The following DENND4C variants were observed in gnomAD, a reference collection of about 807,000 sequenced individuals.
The protein encoded by DENND4C is DENN domain-containing protein 4C.
A neutral mutation model predicts 203.0 loss-of-function variants in DENND4C; 108 were observed. The ratio of observed to expected loss-of-function variants is 0.53; its 90% CI spans 0.46 to 0.62. The LOEUF (loss-of-function observed/expected upper bound fraction) is 0.62, where lower values mean the gene tolerates loss of function less well. DENND4C is among the 20% of genes least tolerant of loss of function. The pLI is 0.00. For synonymous variants in DENND4C, 871 were observed against 792.4 expected (o/e 1.10, Z -1.67); for missense variants, 2,481 against 2,301.2 (o/e 1.08, Z -1.60).
intron 1 of DENND4C, among the ~76,000 whole-genome samples, chr9:19,258,711 G>A (rs1366462335): frequency 6.6e-6 from 1 of 151,896 alleles, no homozygotes; most frequent in Non-Finnish European, 1.5e-5. Context: ...TTGGAGTGCA[G>A]TGGCGTGATC....
chr9:19,311,161 C>G (rs1840658234), intron 10 of DENND4C, among the ~76,000 whole-genome samples: 1 of 151,978 alleles, frequency 6.6e-6, no homozygotes, highest in Non-Finnish European at 1.5e-5. Context: ...GCTCTGTCTC[C>G]CACGCTGGAT....
intron 12 of DENND4C, among the ~76,000 whole-genome samples, chr9:19,318,117 G>A (rs959599322): frequency 3.9e-5 from 6 of 152,144 alleles, no homozygotes; most frequent in Non-Finnish European, 7.3e-5. Flanking sequence ...TTACGAGTTC[G>A]AGACCAGCCT....
intron 1 of DENND4C, among the ~76,000 whole-genome samples, chr9:19,241,544 T>C (rs71508782): frequency 0.23 from 34,938 of 150,520 alleles, 4,275 homozygotes; most frequent in African/African-American, 0.3. Context: ...AACTTTTTTG[T>C]CGGAAATGAA....
intron 17 of DENND4C, among the ~76,000 whole-genome samples, chr9:19,334,651 A>T (rs1983228): frequency 6.6e-6 from 1 of 150,594 alleles, no homozygotes; most frequent in South Asian, 2.1e-4. Flanking sequence ...TCAGCTTCCC[A>T]AGTAGCTGGG....
chr9:19,347,154 T>C, intron 23 of DENND4C, 68 bp downstream of exon 23: 1 of 1,420,814 alleles, frequency 7.0e-7, no homozygotes, highest in Non-Finnish European at 9.6e-7. Flanking sequence ...TAGAAATATA[T>C]GTATTCTTGT....
chr9:19,348,788 AAAAG>A (rs1314323114), intron 23 of DENND4C, among the ~76,000 whole-genome samples: 2 of 152,102 alleles, frequency 1.3e-5, no homozygotes, highest in African/African-American at 2.4e-5. Flanking sequence ...ATTATGATAA[AAAAG>A]AAAAAAAAAA....
intron 20 of DENND4C, chr9:19,337,513 T>A (rs1462491140): frequency 2.7e-6 from 2 of 730,118 alleles, no homozygotes. Context: ...TGAAGTTTCC[T>A]TTTCTCTGCT....
chr9:19,252,065 A>C (rs563934064), intron 1 of DENND4C, among the ~76,000 whole-genome samples: 1 of 152,298 alleles, frequency 6.6e-6, no homozygotes, highest in East Asian at 1.9e-4. Flanking sequence ...TCACGCTGCT[A>C]ATAAAGGCAT....
chr9:19,336,330 G>C lies in DENND4C; in HGVS notation c.2650G>C (p.Val884Leu). 6.2e-7 allele frequency: 1 copy of C among 1,614,028 alleles called. No homozygotes were observed. The highest frequency in any genetic ancestry group is 8.5e-7 in the Non-Finnish European group (1 of 1,179,982). ...CAGTGGTATTTTCTTATGGACGAAG[G>C]TACGGAATGTGGTACGTGGCTTGGC... ...TRSGIFLWTK[V>L]RNVVRGLAQF... Residue 884 changes from valine (V) to leucine (L), a missense_variant, in exon 19 of 33, where the codon GTA becomes CTA. Around this residue, in one of 3 missense-constraint regions of DENND4C, gnomAD observed 2,289 missense variants for 2,113.3 expected, o/e 1.08. Coordinates refer to ENST00000434457, the MANE Select transcript of DENND4C (RefSeq NM_001330640.2).
intron 1 of DENND4C, among the ~76,000 whole-genome samples, chr9:19,248,314 C>T (rs895789790): frequency 1.3e-5 from 2 of 152,180 alleles, no homozygotes; most frequent in Admixed American, 1.3e-4. Flanking sequence ...TTTTTCCTGC[C>T]TGGAATGTTC....
intron 5 of DENND4C, chr9:19,291,415 G>C (rs538441577): frequency 2.0e-5 from 3 of 153,000 alleles, no homozygotes; most frequent in Admixed American, 1.9e-4. Flanking sequence ...TTAAACAGCA[G>C]AGATAAGGCC....
chr9:19,340,392 A>G (rs1273559937), intron 20 of DENND4C, among the ~76,000 whole-genome samples: 1 of 152,072 alleles, frequency 6.6e-6, no homozygotes, highest in East Asian at 1.9e-4. Context: ...CAGTGTGATT[A>G]TGTTATTCAT....
At chr9:19,297,928 T>G in intron 6 of DENND4C, 128 bp from the exon 7 acceptor site, 1 of 673,930 alleles carries the variant, frequency 1.5e-6, no homozygotes, top group Admixed American at 3.1e-5. Flanking sequence ...TTTACTTACT[T>G]AGCCTACATT....
At chr9:19,362,374 A>G (rs1430909372) in intron 30 of DENND4C, among the ~76,000 whole-genome samples, 2 of 152,196 alleles carry the variant, frequency 1.3e-5, no homozygotes, top group Non-Finnish European at 2.9e-5. Context: ...AAATTGTGGC[A>G]CATTCCATCC....
intron 2 of DENND4C, 57 bp from the exon 3 acceptor site, chr9:19,286,712 A>C (rs569649887): frequency 8.3e-7 from 1 of 1,205,812 alleles, no homozygotes; most frequent in Non-Finnish European, 1.0e-6. Flanking sequence ...ATATATGTAC[A>C]TATGTATGTG....
chr9:19,259,194 A>G (rs1828736605), intron 1 of DENND4C, among the ~76,000 whole-genome samples: 1 of 152,008 alleles, frequency 6.6e-6, no homozygotes, highest in Admixed American at 6.6e-5. Context: ...GATCTTATTC[A>G]TTCTAACCCT....
intron 1 of DENND4C, among the ~76,000 whole-genome samples, chr9:19,254,383 C>G (rs923394893): frequency 4.6e-5 from 7 of 152,194 alleles, no homozygotes; most frequent in African/African-American, 1.7e-4. Flanking sequence ...GGCATACACA[C>G]ACACAGCAGA....
At chr9:19,284,982 A>G (rs1030521864) in intron 2 of DENND4C, among the ~76,000 whole-genome samples, 1 of 152,132 alleles carries the variant, frequency 6.6e-6, no homozygotes, top group Non-Finnish European at 1.5e-5. Flanking sequence ...TTTTAGCACT[A>G]GTATGATTTA....
chr9:19,350,517 ATGGCTTGAATGTCTTAGAGTGTGGAAG>A (rs962139389), intron 23 of DENND4C, among the ~76,000 whole-genome samples, 158 bp from the exon 24 acceptor site: 1 of 152,172 alleles, frequency 6.6e-6, no homozygotes. Context: ...ATTGTTGCTT[ATGGCTTGAATGTCTTAGAGTGTGGAAG>A]TGAAATAATA....
Sources: allele counts gnomAD v4.1 joint callset (sites outside exome capture counted in the v4.1 genomes callset), GRCh38; gene constraint gnomAD v4.1.1; regional missense constraint gnomAD v4.1.1; transcripts MANE v1.5; gene names NCBI Gene and HGNC (gene_info 2026-07-23, HGNC 2026-07-21).